PARD3B: variants seen among roughly 807,000 people sequenced by gnomAD.
The protein encoded by PARD3B is partitioning defective 3 homolog B.
In PARD3B, 103 loss-of-function variants were observed where a neutral mutation model predicts 130.2. The observed-to-expected ratio is 0.79, with a 90% CI of 0.67 to 0.93. The LOEUF (loss-of-function observed/expected upper bound fraction) is 0.93. Ranked by LOEUF, PARD3B falls within the 40% of genes least tolerant of loss-of-function variation. The pLI, the probability that PARD3B is intolerant of heterozygous loss-of-function variation, is 0.00. For synonymous variants in PARD3B, 583 were observed against 553.2 expected, an observed-to-expected ratio of 1.05 and a Z score of -0.76; for missense variants, 1,609 against 1,499.2, an observed-to-expected ratio of 1.07 and a Z score of -1.21.
chr2:205,281,422 C>T lies in PARD3B; in HGVS notation c.2186-19108C>T, dbSNP rs2041184395. ...CATTTTCTGGTCTTCATATTGCACA[C>T]AAAAGTTCTCTGAAAACGAAGTTGA... On this transcript the variant is annotated intron_variant, in intron 16 of 22. Coordinates refer to ENST00000406610, the MANE Select transcript of PARD3B (RefSeq NM_001302769.2). This position sits in a 1 kb window ranked among gnomAD's most constrained non-coding sequence, Gnocchi z 4.2. Among the ~76,000 whole-genome samples the T allele has an allele frequency of 6.6e-6, 1 of 152,136 alleles. No individual in the cohort carries two copies. The highest frequency in any genetic ancestry group is 2.4e-5 in the African/African-American group (1 of 41,432).
intron 22 of PARD3B, among the ~76,000 whole-genome samples, chr2:205,560,674 G>A (rs1464681322): frequency 6.6e-6 from 1 of 152,144 alleles, no homozygotes; most frequent in Non-Finnish European, 1.5e-5. Flanking sequence ...CTTGGGCCAC[G>A]TTCGCCTCCA....
chr2:204,613,165 A>G (rs1268238124), intron 1 of PARD3B, among the ~76,000 whole-genome samples: 1 of 147,640 alleles, frequency 6.8e-6, no homozygotes, highest in Admixed American at 6.7e-5. Flanking sequence ...CTCAGGAGAT[A>G]TATTTTTTTT....
At chr2:205,250,512 A>G (rs188528083) in intron 16 of PARD3B, among the ~76,000 whole-genome samples, 2 of 152,308 alleles carry the variant, frequency 1.3e-5, no homozygotes, top group South Asian at 2.1e-4. Flanking sequence ...TTCTGAGACA[A>G]CTTTATCAAT....
chr2:205,294,985 T>A (rs1238344200), intron 16 of PARD3B, among the ~76,000 whole-genome samples: 1 of 152,194 alleles, frequency 6.6e-6, no homozygotes, highest in Non-Finnish European at 1.5e-5. Context: ...TGGGAAATTA[T>A]ACATTTGGAT....
intron 15 of PARD3B, among the ~76,000 whole-genome samples, chr2:205,228,181 T>G (rs2038659388): frequency 6.6e-6 from 1 of 152,192 alleles, no homozygotes; most frequent in Non-Finnish European, 1.5e-5. Flanking sequence ...TTCTATGTAC[T>G]TAACATTACT....
Position 205,274,189 on chromosome 2 carries a change from A to G in PARD3B, c.2186-26341A>G, listed in dbSNP as rs1321041248. ...ACTATTGCCTATAATTTTCATATAT[A>G]TTATAACCTCTGAAGAGAATTTAGT... On this transcript the variant is annotated intron_variant, in intron 16 of 22. Transcript: ENST00000406610. This position sits in a 1 kb window ranked among gnomAD's most constrained non-coding sequence, Gnocchi z 4.2. Among the ~76,000 whole-genome samples the G allele has an allele frequency of 6.6e-6, 1 of 152,136 alleles. No individual in the cohort carries two copies. The highest frequency in any genetic ancestry group is 1.5e-5 in the Non-Finnish European group (1 of 68,012).
At chr2:205,212,808 T>C (rs986985536) in intron 15 of PARD3B, among the ~76,000 whole-genome samples, 4 of 152,132 alleles carry the variant, frequency 2.6e-5, no homozygotes, top group Admixed American at 1.3e-4. Context: ...CTTTTACATA[T>C]GGTAAAAAGA....
intron 22 of PARD3B, among the ~76,000 whole-genome samples, chr2:205,567,478 T>C (rs949357444): frequency 2.7e-4 from 15 of 56,316 alleles, no homozygotes; most frequent in Non-Finnish European, 5.8e-4. Context: ...CCATGCCCGG[T>C]TAATTTTTTT....
At chr2:205,485,254 T>G (rs191674692) in intron 20 of PARD3B, among the ~76,000 whole-genome samples, 14 of 152,264 alleles carry the variant, frequency 9.2e-5, no homozygotes, top group Non-Finnish European at 1.9e-4. Context: ...AAATTTATCA[T>G]TATATTGCTG....
chr2:205,071,143 G>A (rs1700703690), intron 4 of PARD3B, among the ~76,000 whole-genome samples: 1 of 152,136 alleles, frequency 6.6e-6, no homozygotes, highest in African/African-American at 2.4e-5. Context: ...AATACAGTGT[G>A]TGCAAATCAC....
At chr2:204,721,461 G>T in intron 2 of PARD3B, among the ~76,000 whole-genome samples, 1 of 152,010 alleles carries the variant, frequency 6.6e-6, no homozygotes, top group Middle Eastern at 3.2e-3. Flanking sequence ...GTAGGAAAGT[G>T]GACTAAAGTT....
chr2:205,371,301 T>A (rs776291920), intron 18 of PARD3B, among the ~76,000 whole-genome samples: 2 of 152,176 alleles, frequency 1.3e-5, no homozygotes, highest in Non-Finnish European at 2.9e-5. Context: ...CACATCTGTA[T>A]AGGAAAGTTG....
At chr2:205,553,224 G>A in intron 21 of PARD3B, 100 bp from the exon 22 acceptor site, 2 of 1,074,018 alleles carry the variant, frequency 1.9e-6, no homozygotes, top group South Asian at 1.6e-5. Flanking sequence ...TTTTTGGCAG[G>A]CAGTAACAGC....
At position 205,125,642 on chromosome 2, in the gene PARD3B, G is replaced by A. The variant is rs1575865612; in HGVS notation, c.1339G>A (p.Glu447Lys). The A allele has an allele frequency of 6.2e-7, 1 of 1,614,034 alleles. No homozygotes were observed. ...NGRDVTGRTQ[E>K]ELVAMLRSTK... ...GAGAGATGTCACCGGACGAACCCAG[G>A]AAGAGCTTGTGGCCATGCTCAGGAG... Residue 447 changes from glutamate to lysine, a missense_variant, in exon 10 of 23, where the codon GAA (glutamate) becomes AAA (lysine). Transcript: ENST00000406610. The surrounding 1 kb of genome is among the most constrained non-coding windows in gnomAD (Gnocchi z 4.0).
chr2:205,193,064 G>C (rs2036480729), intron 14 of PARD3B, 141 bp from the exon 15 acceptor site: 5 of 607,640 alleles, frequency 8.2e-6, no homozygotes, highest in Non-Finnish European at 1.5e-5. Flanking sequence ...AAAGAAACCT[G>C]AGATTTAAGA....
chr2:204,619,480 C>G (rs910650276), intron 1 of PARD3B, among the ~76,000 whole-genome samples: 3 of 152,108 alleles, frequency 2.0e-5, no homozygotes, highest in Non-Finnish European at 4.4e-5. Flanking sequence ...ATATGCTTCA[C>G]AGCAGCGTGA....
At chr2:204,930,571 A>C (rs556539560) in intron 2 of PARD3B, among the ~76,000 whole-genome samples, 1 of 152,120 alleles carries the variant, frequency 6.6e-6, no homozygotes, top group East Asian at 1.9e-4. Flanking sequence ...CTAGTTCCTT[A>C]AGTCAATAAC....
intron 15 of PARD3B, among the ~76,000 whole-genome samples, chr2:205,204,830 C>T (rs2037195128): frequency 1.3e-5 from 2 of 152,060 alleles, no homozygotes; most frequent in East Asian, 1.9e-4. Context: ...GTACCAGTAC[C>T]ATGCTGTTTT....
At chr2:204,608,227 C>A (rs2125112879) in intron 1 of PARD3B, among the ~76,000 whole-genome samples, 1 of 152,262 alleles carries the variant, frequency 6.6e-6, no homozygotes. Flanking sequence ...TGCATTAACA[C>A]AACACTAAAT....
Sources: allele counts gnomAD v4.1 joint callset (sites outside exome capture counted in the v4.1 genomes callset), GRCh38; gene constraint gnomAD v4.1.1; non-coding constraint Gnocchi (gnomAD v3.1); transcripts MANE v1.5; gene names NCBI Gene and HGNC (gene_info 2026-07-23, HGNC 2026-07-21).